The following SNX5 variants were observed in gnomAD, a reference collection of about 807,000 sequenced individuals.
The protein encoded by SNX5 is sorting nexin-5.
SNX5 carries 31 observed loss-of-function variants against 53.9 expected under a neutral mutation model. The ratio of observed to expected loss-of-function variants is 0.58; its 90% confidence interval spans 0.43 to 0.78. SNX5 has a LOEUF of 0.78. Among genes scored for constraint, SNX5 ranks in the 30% least tolerant of loss-of-function variants. SNX5 has a pLI of 0.00. For missense variants in SNX5, 471 were observed against 478.8 expected, an observed-to-expected ratio of 0.98 and a Z score of 0.15; for synonymous variants, 168 against 171.1, an observed-to-expected ratio of 0.98 and a Z score of 0.14.
At chr20:17,957,486 G>A (rs1319785199) in intron 1 of SNX5, among the ~76,000 whole-genome samples, 2 of 151,816 alleles carry the variant, frequency 1.3e-5, no homozygotes, top group African/African-American at 4.8e-5. Flanking sequence ...AATGTCAGTT[G>A]AGACATTTCT....
chr20:17,968,790 G>C lies in SNX5; in HGVS notation c.-365C>G, dbSNP rs1304032146. The stretch of plus-strand genomic sequence containing the variant: ...ACTCTCCCAGCAAGACGCGTCTAGA[G>C]AAAGACCGCGTTTCGGTGCGGGGGG... On this transcript the variant is annotated 5_prime_UTR_variant, in exon 1 of 13. Coordinates refer to ENST00000377759, the MANE Select transcript of SNX5 (RefSeq NM_014426.4). The C allele has an allele frequency of 3.5e-6, 1 of 283,642 alleles. No homozygotes were observed. The highest frequency in any genetic ancestry group is 2.2e-5 in the African/African-American group (1 of 44,748). The allele number at this position is 283,642 out of a possible 1,614,324, so 17.6% of individuals were successfully genotyped here.
At chr20:17,942,912 A>AATG in intron 12 of SNX5, 198 bp downstream of exon 12, 1 of 464,076 alleles carries the variant, frequency 2.2e-6, no homozygotes, top group Non-Finnish European at 3.8e-6. Flanking sequence ...AAAAAAAAAA[A>AATG]GTTGCTAAAA....
In SNX5 at chr20:17,964,938, C is replaced by G. The variant is rs114846637; in HGVS notation, c.51+3437G>C. Among the ~76,000 whole-genome samples, 949 of 152,338 alleles carry G rather than the reference C, an allele frequency of 6.2e-3. 9 individuals are homozygous for G. The highest frequency in any genetic ancestry group is 0.022 in the African/African-American group (928 of 41,580). On this transcript the variant is annotated intron_variant, in intron 1 of 12. Coordinates refer to ENST00000377759, the MANE Select transcript of SNX5 (RefSeq NM_014426.4). ...CTTTGCAACCCTCAAGTACCCAGAA[C>G]CTGCTGAAGAAAACCATCTTTCACC...
intron 7 of SNX5, 22 bp downstream of exon 7, chr20:17,950,269 A>C: frequency 6.2e-7 from 1 of 1,609,662 alleles, no homozygotes; most frequent in Non-Finnish European, 8.5e-7. Context: ...CAAAGCTCTG[A>C]CTAGCGGTAA....
At chr20:17,957,106 A>T in intron 1 of SNX5, 69 bp from the exon 2 acceptor site, 1 of 934,152 alleles carries the variant, frequency 1.1e-6, no homozygotes. Context: ...AAAAATGAGT[A>T]GTTACTAAAA....
rs1389101703 is a variant in SNX5, at chr20:17,947,489, C to T, written c.1075G>A (p.Glu359Lys). The T allele has an allele frequency of 6.2e-7, 1 of 1,612,526 alleles. No individual in the cohort carries two copies. The highest frequency in any genetic ancestry group is 2.2e-5 in the East Asian group (1 of 44,888). Residue 359 changes from glutamate to lysine, a missense_variant, in exon 11 of 13, where the codon GAA (glutamate) becomes AAA (lysine). Transcript: ENST00000377759. The stretch of plus-strand genomic sequence containing the variant: ...AAAGAAGAATGTCCTGCTCAACCTT[C>T]TTTTGCAGATTCGGAAAGTTGTTCA... Reference protein sequence around the residue: ...KFEQLSESAKEELINFKRKRV... With the variant: ...KFEQLSESAKKELINFKRKRV...
intron 5 of SNX5, among the ~76,000 whole-genome samples, chr20:17,951,929 A>T (rs1600340088): frequency 6.6e-6 from 1 of 152,248 alleles, no homozygotes; most frequent in Non-Finnish European, 1.5e-5. Context: ...ATAGCATAAA[A>T]GTCATAATTC....
chr20:17,944,925 G>C (rs2039467622), intron 11 of SNX5: 1 of 152,178 alleles, frequency 6.6e-6, no homozygotes. Context: ...CCAAGAATAT[G>C]CATGTCCGCC....
chr20:17,947,497 G>A lies in SNX5; in HGVS notation c.1067C>T (p.Ser356Phe). 6.2e-7 allele frequency: 1 copy of A among 1,612,894 alleles called. No homozygotes were observed. Among genetic ancestry groups the A allele is most frequent in the Non-Finnish European group, 8.5e-7 (1 of 1,179,522 alleles). ...CCQKFEQLSE[S>F]AKEELINFKR... ...ATGTCCTGCTCAACCTTCTTTTGCA[G>A]ATTCGGAAAGTTGTTCAAATTTCTG... Residue 356 changes from serine to phenylalanine, a missense_variant, in exon 11 of 13, where the codon TCT becomes TTT. Physicochemically the swap from Ser to Phe is radical, Grantham distance 155 (BLOSUM62 -2). Coordinates refer to ENST00000377759, the MANE Select transcript of SNX5 (RefSeq NM_014426.4).
chr20:17,953,008 C>A (rs1236822426), intron 4 of SNX5, among the ~76,000 whole-genome samples: 2 of 152,214 alleles, frequency 1.3e-5, no homozygotes, highest in Non-Finnish European at 2.9e-5. Flanking sequence ...ACATTTGTTT[C>A]TTTAAAGCAA....
In SNX5 at chr20:17,942,419, A is replaced by G. The variant is rs775084317; in HGVS notation, c.1165-12T>C. The G allele has an allele frequency of 1.9e-6, 3 of 1,607,330 alleles. No individual in the cohort carries two copies. In the Admixed American group the frequency reaches 5.0e-5, roughly 27 times the overall value. The stretch of plus-strand genomic sequence containing the variant: ...AGGGAGACATTGTTCTGTGGGGAAA[A>G]AAGGCAAGGCAGACCAGTGAATTAT... On this transcript the variant is annotated splice_polypyrimidine_tract_variant and intron_variant, in intron 12 of 12. Coordinates refer to ENST00000377759, the MANE Select transcript of SNX5 (RefSeq NM_014426.4).
chr20:17,954,909 A>G (rs2035327128), intron 3 of SNX5, among the ~76,000 whole-genome samples: 1 of 152,180 alleles, frequency 6.6e-6, no homozygotes, highest in African/African-American at 2.4e-5. Flanking sequence ...ACAGGGTCTC[A>G]TCATGTTGCC....
chr20:17,956,685 AAAAAAAAAAAAAAAAAAAAC>A (rs2035363249), intron 2 of SNX5, among the ~76,000 whole-genome samples: 1 of 73,982 alleles, frequency 1.4e-5, no homozygotes, highest in Non-Finnish European at 3.2e-5. Context: ...AAAAAAAAAA[AAAAAAAAAAAAAAAAAAAAC>A]AAAAAAACAA....
chr20:17,958,806 G>A (rs1309925927), intron 1 of SNX5, among the ~76,000 whole-genome samples: 1 of 152,180 alleles, frequency 6.6e-6, no homozygotes, highest in Non-Finnish European at 1.5e-5. Context: ...AGTTAACACT[G>A]GCAAATACAG....
At chr20:17,955,943 G>T (rs764566011) in intron 2 of SNX5, among the ~76,000 whole-genome samples, 2 of 152,068 alleles carry the variant, frequency 1.3e-5, no homozygotes, top group Non-Finnish European at 2.9e-5. Context: ...CTACAGGTGT[G>T]TGCTACCACA....
intron 3 of SNX5, among the ~76,000 whole-genome samples, chr20:17,954,877 AT>A (rs1322651670): frequency 7.2e-5 from 11 of 152,042 alleles, no homozygotes; most frequent in Non-Finnish European, 1.5e-4. Flanking sequence ...CGCCCAGCAA[AT>A]TTTTTGTATT....
At chr20:17,955,088 T>A (rs547823075) in intron 3 of SNX5, among the ~76,000 whole-genome samples, 44 of 152,254 alleles carry the variant, frequency 2.9e-4, no homozygotes, top group Admixed American at 8.5e-4. Context: ...GGAAAAAACA[T>A]ACCAGAGAAA....
At chr20:17,963,977 G>A (rs1022042316) in intron 1 of SNX5, among the ~76,000 whole-genome samples, 6 of 152,110 alleles carry the variant, frequency 3.9e-5, no homozygotes, top group Non-Finnish European at 8.8e-5. Context: ...CTCAGACCAG[G>A]GGCCCATTCA....
chr20:17,949,262 T>C (rs2039530542), intron 8 of SNX5, among the ~76,000 whole-genome samples, 159 bp from the exon 9 acceptor site: 2 of 152,152 alleles, frequency 1.3e-5, no homozygotes, highest in South Asian at 2.1e-4. Context: ...TGACCCCAAA[T>C]AGTAGAGAAA....
Sources: gnomAD v4.1 joint callset for allele counts (sites outside exome capture counted in the v4.1 genomes callset) on GRCh38, gnomAD v4.1.1 for gene constraint, MANE v1.5 for transcripts, NCBI Gene and HGNC (gene_info 2026-07-23, HGNC 2026-07-21) for gene names.